The following ATP10A variants were observed in gnomAD, a reference collection of about 807,000 sequenced individuals.
ATP10A encodes phospholipid-transporting ATPase VA.
Under a neutral mutation model 147.8 loss-of-function variants are expected in ATP10A, and 111 were observed. The observed-to-expected ratio is 0.75, with a 90% CI of 0.64 to 0.88. The LOEUF (loss-of-function observed/expected upper bound fraction) is 0.88, where lower values mean the gene tolerates loss of function less well. Ranked by LOEUF, ATP10A falls within the 40% of genes least tolerant of loss-of-function variation. The pLI is 0.00. For missense variants in ATP10A, 1,927 were observed against 1,959.0 expected, an observed-to-expected ratio of 0.98 and a Z score of 0.31; for synonymous variants, 875 against 841.6, an observed-to-expected ratio of 1.04 and a Z score of -0.69.
At position 25,830,329 on chromosome 15, in the gene ATP10A, G is replaced by A. The variant is rs549194899; in HGVS notation, c.449+32319C>T. On this transcript the variant is annotated intron_variant, in intron 1 of 20. Coordinates refer to ENST00000555815, the MANE Select transcript of ATP10A (RefSeq NM_024490.4). The stretch of plus-strand genomic sequence containing the variant: ...GAGCCACCTTGGGAAGTCACTGAAA[G>A]GGGTGGAAGTGTCCCTCTATTGTGC... Among the ~76,000 whole-genome samples the A allele has an allele frequency of 3.3e-5, 5 of 152,150 alleles. 1 individual carries two copies. The South Asian group carries it at 8.3e-4, about 25-fold the overall frequency.
chr15:25,799,554 T>C, intron 1 of ATP10A, among the ~76,000 whole-genome samples: 1 of 152,112 alleles, frequency 6.6e-6, no homozygotes, highest in Admixed American at 6.5e-5. Context: ...TAAATAACAT[T>C]CATTGGCATG....
intron 16 of ATP10A, among the ~76,000 whole-genome samples, chr15:25,684,848 A>G (rs1899626373): frequency 6.6e-6 from 1 of 152,226 alleles, no homozygotes; most frequent in African/African-American, 2.4e-5. Context: ...GAAGATCATA[A>G]GAAATAATAG....
At chr15:25,735,742 T>C (rs1299440228) in intron 3 of ATP10A, among the ~76,000 whole-genome samples, 6 of 152,152 alleles carry the variant, frequency 3.9e-5, no homozygotes, top group Non-Finnish European at 8.8e-5. Context: ...AACGGGGCCA[T>C]GTGTGGTCAG....
intron 2 of ATP10A, among the ~76,000 whole-genome samples, chr15:25,767,944 G>C (rs1380073457): frequency 6.6e-6 from 1 of 152,248 alleles, no homozygotes; most frequent in African/African-American, 2.4e-5. Context: ...CAGGCACTGG[G>C]CATCCCTGAC....
chr15:25,691,613 G>A (rs577407340), intron 15 of ATP10A, 102 bp downstream of exon 15: 110 of 1,198,768 alleles, frequency 9.2e-5, no homozygotes, highest in African/African-American at 8.2e-4. Flanking sequence ...CTTTAGCCTC[G>A]TTCAGTAGAG....
At chr15:25,861,957 A>C (rs1448340493) in intron 1 of ATP10A, 7 of 284,948 alleles carry the variant, frequency 2.5e-5, no homozygotes, top group Admixed American at 9.8e-5. Flanking sequence ...GGAGTGGTCC[A>C]TCGCAGGGTC....
At chr15:25,820,677 C>T (rs1029262373) in intron 1 of ATP10A, among the ~76,000 whole-genome samples, 12 of 152,026 alleles carry the variant, frequency 7.9e-5, no homozygotes, top group Non-Finnish European at 1.2e-4. Flanking sequence ...CAATAAAGGT[C>T]GAATTTTATG....
chr15:25,738,023 G>C (rs1887383842), intron 2 of ATP10A, among the ~76,000 whole-genome samples: 1 of 152,196 alleles, frequency 6.6e-6, no homozygotes, highest in South Asian at 2.1e-4. Flanking sequence ...TGAGGCCCCA[G>C]TAAACGAATA....
chr15:25,739,072 T>C (rs1373549777), intron 2 of ATP10A, among the ~76,000 whole-genome samples: 1 of 152,098 alleles, frequency 6.6e-6, no homozygotes, highest in East Asian at 1.9e-4. Flanking sequence ...AAATTGCTTT[T>C]TATTTTTTAT....
At chr15:25,763,464 C>G (rs2140636596) in intron 2 of ATP10A, among the ~76,000 whole-genome samples, 2 of 152,346 alleles carry the variant, frequency 1.3e-5, no homozygotes, top group Middle Eastern at 6.8e-3. Flanking sequence ...CAGTACTGGG[C>G]TCCCAGAAGG....
rs117639629 is a variant in ATP10A at position 25,680,389 on chromosome 15, T to C, written c.3679-81A>G. The stretch of plus-strand genomic sequence containing the variant: ...GACAATAACAAAAACGTGCCAGTCA[T>C]CAATGAGCAGGTGTGAGGTTCTGAG... On this transcript the variant is annotated intron_variant, in intron 19 of 20. Coordinates refer to ENST00000555815, the MANE Select transcript of ATP10A (RefSeq NM_024490.4). 7.7e-3 allele frequency: 11,085 copies of C among 1,436,850 alleles called. 64 individuals carry two copies. Among genetic ancestry groups the C allele is most frequent in the South Asian group, 0.021 (1,655 of 80,060 alleles). 89.0% of individuals were successfully genotyped at this position (1,436,850 alleles called of 1,614,324 possible).
chr15:25,723,345 TAAA>T (rs1352505377), intron 6 of ATP10A, among the ~76,000 whole-genome samples: 1 of 110,568 alleles, frequency 9.0e-6, no homozygotes, highest in African/African-American at 3.3e-5. Flanking sequence ...AGACTCTGTC[TAAA>T]AAAAAAAAGA....
chr15:25,802,560 C>T (rs148074053), intron 1 of ATP10A, among the ~76,000 whole-genome samples: 42 of 152,338 alleles, frequency 2.8e-4, no homozygotes, highest in African/African-American at 6.7e-4. Flanking sequence ...GCCCACTCAG[C>T]TAAGGTGTCG....
At chr15:25,803,070 G>A (rs1003022215) in intron 1 of ATP10A, among the ~76,000 whole-genome samples, 1 of 152,156 alleles carries the variant, frequency 6.6e-6, no homozygotes, top group East Asian at 1.9e-4. Context: ...TCTTTGTGAG[G>A]TGAGATAATT....
At chr15:25,813,063 A>G (rs1891499482) in intron 1 of ATP10A, among the ~76,000 whole-genome samples, 1 of 152,184 alleles carries the variant, frequency 6.6e-6, no homozygotes, top group African/African-American at 2.4e-5. Context: ...TGAAGTTTGT[A>G]AGGCAGTGCC....
intron 6 of ATP10A, among the ~76,000 whole-genome samples, 171 bp downstream of exon 6, chr15:25,723,720 G>A (rs1302047982): frequency 2.0e-5 from 3 of 152,018 alleles, no homozygotes; most frequent in African/African-American, 7.2e-5. Flanking sequence ...ATCACCCAAG[G>A]AAAGATCCCA....
chr15:25,765,904 C>T (rs1205873005), intron 2 of ATP10A, among the ~76,000 whole-genome samples: 1 of 152,172 alleles, frequency 6.6e-6, no homozygotes. Flanking sequence ...AGGTGCAGTG[C>T]AAAGGACAGG....
rs976878593 is a variant in ATP10A at position 25,721,861 on chromosome 15, A to G, written c.1159T>C (p.Cys387Arg). The G allele has an allele frequency of 1.5e-5, 24 of 1,613,932 alleles. No individual in the cohort carries two copies. Among genetic ancestry groups the G allele is most frequent in the African/African-American group, 4.0e-5 (3 of 74,926 alleles). The change falls in exon 7 of 21, where the codon TGC becomes CGC. Residue 387 changes from cysteine (C) to arginine (R), a missense_variant. Cys to Arg is a radical substitution (Grantham distance 180). Transcript: ENST00000555815. ...TCCTGGTTAATGAAGTACACTTGGC[A>G]TGCTTTAACAATTTCAATGGAAACG... Reference protein sequence around the residue: ...LYVSIEIVKACQVYFINQDMQ... With the variant: ...LYVSIEIVKARQVYFINQDMQ...
At chr15:25,792,874 T>TTTTTC (rs1491302258) in intron 1 of ATP10A, among the ~76,000 whole-genome samples, 1 of 766 alleles carries the variant, frequency 1.3e-3, no homozygotes, top group Non-Finnish European at 0.028. Context: ...CTTTTCAATC[T>TTTTTC]TTTTTTTTTT....
Sources: allele counts gnomAD v4.1 joint callset (sites outside exome capture counted in the v4.1 genomes callset), GRCh38; gene constraint gnomAD v4.1.1; transcripts MANE v1.5; gene names NCBI Gene and HGNC (gene_info 2026-07-23, HGNC 2026-07-21).